TMEM202: variants seen among roughly 807,000 people sequenced by gnomAD.
TMEM202 encodes the protein transmembrane protein 202.
TMEM202 carries 25 observed loss-of-function variants against 26.1 expected under a neutral mutation model. The ratio of observed to expected loss-of-function variants is 0.96; its 90% CI spans 0.70 to 1.34. TMEM202 has a LOEUF of 1.34. Among genes scored for constraint, TMEM202 ranks in the 40% most tolerant of loss-of-function variants. The pLI, the probability that TMEM202 is intolerant of heterozygous loss-of-function variation, is 0.00. For synonymous variants in TMEM202, 122 were observed against 119.0 expected, an observed-to-expected ratio of 1.02 and a Z score of -0.16; for missense variants, 301 against 327.7, an observed-to-expected ratio of 0.92 and a Z score of 0.63.
intron 1 of TMEM202, 87 bp from the exon 2 acceptor site, chr15:72,398,565 TG>T: frequency 6.6e-7 from 1 of 1,522,124 alleles, no homozygotes; most frequent in Non-Finnish European, 8.9e-7. Context: ...CAAACACACA[TG>T]GGAATGCTTG....
intron 2 of TMEM202, among the ~76,000 whole-genome samples, 170 bp from the exon 3 acceptor site, chr15:72,406,432 T>C (rs1179156629): frequency 1.3e-5 from 2 of 152,212 alleles, no homozygotes; most frequent in Non-Finnish European, 2.9e-5. Context: ...TATATTATCT[T>C]TAGTTTAACA....
chr15:72,406,660 C>G lies in TMEM202; in HGVS notation c.396C>G (p.Gly132=), dbSNP rs749778068. The G allele has an allele frequency of 6.2e-7, 1 of 1,613,974 alleles. No individual in the cohort carries two copies. The highest frequency in any genetic ancestry group is 8.5e-7 in the Non-Finnish European group (1 of 1,179,858). Residue 132 remains glycine (G), a synonymous_variant, in exon 3 of 5, where the codon GGC becomes GGG. Coordinates refer to ENST00000341689, the MANE Select transcript of TMEM202 (RefSeq NM_001080462.3). ...FLISVFTILT[G]LGWLFSSWIL... is the part of the protein sequence containing the mutation. Reference sequence around the variant, plus strand: ...TCTCTGTCTTTACCATACTTACTGGCCTTGGCTGGCTCTTCAGCTCTTGGA... The same window carrying G: ...TCTCTGTCTTTACCATACTTACTGGGCTTGGCTGGCTCTTCAGCTCTTGGA...
At chr15:72,399,046 G>A in intron 2 of TMEM202, 138 bp downstream of exon 2, 1 of 996,650 alleles carries the variant, frequency 1.0e-6, no homozygotes, top group Non-Finnish European at 1.5e-6. Flanking sequence ...TCTTTCTTTG[G>A]TATCCTCAGT....
intron 2 of TMEM202, among the ~76,000 whole-genome samples, chr15:72,400,557 A>G (rs1320515446): frequency 6.6e-6 from 1 of 152,242 alleles, no homozygotes; most frequent in Non-Finnish European, 1.5e-5. Flanking sequence ...CTGCAATCAT[A>G]TTTATGTAAC....
chr15:72,401,830 C>G (rs999231416), intron 2 of TMEM202, among the ~76,000 whole-genome samples: 1 of 152,098 alleles, frequency 6.6e-6, no homozygotes, highest in Admixed American at 6.5e-5. Context: ...ATAACTAGCT[C>G]TAATTCAAGA....
chr15:72,406,069 G>A (rs1013777605), intron 2 of TMEM202, among the ~76,000 whole-genome samples: 4 of 151,946 alleles, frequency 2.6e-5, no homozygotes, highest in African/African-American at 9.7e-5. Context: ...ATATTAATAT[G>A]ATAGAATATT....
intron 2 of TMEM202, 37 bp downstream of exon 2, chr15:72,398,945 C>A: frequency 6.3e-7 from 1 of 1,583,798 alleles, no homozygotes; most frequent in Non-Finnish European, 8.6e-7. Flanking sequence ...AGGCCCCACA[C>A]AATTGCAGAG....
At chr15:72,402,953 G>A (rs1190651582) in intron 2 of TMEM202, among the ~76,000 whole-genome samples, 1 of 152,172 alleles carries the variant, frequency 6.6e-6, no homozygotes, top group African/African-American at 2.4e-5. Flanking sequence ...TGGAGAAGTT[G>A]TATGTTGCCT....
In TMEM202 at chr15:72,398,895, A is replaced by G. The variant is rs750119189; in HGVS notation, c.324A>G (p.Thr108=). The change falls in exon 2 of 5, where the codon ACA becomes ACG. Residue 108 remains threonine (T), a synonymous_variant. Coordinates refer to ENST00000341689, the MANE Select transcript of TMEM202 (RefSeq NM_001080462.3). ...LCNHELCWSH[T]PKPPYYLQYS... is the part of the protein sequence containing the mutation. ...ACCATGAGCTGTGCTGGAGCCACACACCCAAGCCACCCTGTGAGTGCCACC... is the reference window on the plus strand; with the variant it reads ...ACCATGAGCTGTGCTGGAGCCACACGCCCAAGCCACCCTGTGAGTGCCACC... 1 of 1,602,206 alleles carries G rather than the reference A, an allele frequency of 6.2e-7. No homozygotes were observed. Among genetic ancestry groups the G allele is most frequent in the Non-Finnish European group, 8.5e-7 (1 of 1,170,770 alleles).
rs899590459 is a variant in TMEM202, at chr15:72,405,977, C to T, written c.338-625C>T. Reference sequence around the variant, plus strand: ...TGTGACTTCATTTTGTAGTCATAGGCTGACAAGGCCTGTACATGCCAGATA... The same window carrying T: ...TGTGACTTCATTTTGTAGTCATAGGTTGACAAGGCCTGTACATGCCAGATA... On this transcript the variant is annotated intron_variant, in intron 2 of 4. Coordinates refer to ENST00000341689, the MANE Select transcript of TMEM202 (RefSeq NM_001080462.3). 2.6e-5 allele frequency among the ~76,000 whole-genome samples: 4 copies of T among 152,220 alleles called. No individual in the cohort carries two copies. The East Asian group carries it at 7.7e-4, about 29-fold the overall frequency.
chr15:72,398,654 C>G lies in TMEM202; in HGVS notation c.83C>G (p.Pro28Arg). The stretch of plus-strand genomic sequence containing the variant: ...GCAATATTTCCCTCATCCTTGTAGC[C>G]TACCGTCCCTGCCAAGAAACATCCA... The part of the protein sequence containing the change: ...KIKGNRKYQR[P>R]TVPAKKHPSA... Residue 28 changes from proline to arginine, a missense_variant and splice_region_variant, in exon 2 of 5, where the codon CCT (proline) becomes CGT (arginine). Transcript: ENST00000341689. The G allele has an allele frequency of 6.2e-7, 1 of 1,613,970 alleles. No individual in the cohort carries two copies. The highest frequency in any genetic ancestry group is 8.5e-7 in the Non-Finnish European group (1 of 1,179,940).
intron 2 of TMEM202, among the ~76,000 whole-genome samples, chr15:72,400,976 G>A (rs970900570): frequency 6.6e-6 from 1 of 152,164 alleles, no homozygotes; most frequent in African/African-American, 2.4e-5. Context: ...ACATTGCCAT[G>A]GCATTTGTTA....
In TMEM202 at chr15:72,407,945, G is replaced by T; in HGVS notation, c.*52G>T. On this transcript the variant is annotated 3_prime_UTR_variant, in exon 5 of 5. Coordinates refer to ENST00000341689, the MANE Select transcript of TMEM202 (RefSeq NM_001080462.3). ...TAAAAGCAGGGGAGAAGCTGAGTTG[G>T]GAATGGTCACATAAATTCTGGGAAA... 1.4e-6 allele frequency: 2 copies of T among 1,470,498 alleles called. No homozygotes were observed. Among genetic ancestry groups the T allele is most frequent in the Admixed American group, 1.7e-5 (1 of 57,152 alleles). 91.1% of individuals were successfully genotyped at this position (1,470,498 alleles called of 1,614,324 possible). A position where few individuals can be genotyped will look rare whatever the true frequency, so the allele number is the denominator to read the frequency against.
At chr15:72,401,707 C>T (rs967677650) in intron 2 of TMEM202, among the ~76,000 whole-genome samples, 1 of 152,122 alleles carries the variant, frequency 6.6e-6, no homozygotes, top group Non-Finnish European at 1.5e-5. Flanking sequence ...TGTCACTCAC[C>T]TTTGTTTATG....
intron 3 of TMEM202, 102 bp from the exon 4 acceptor site, chr15:72,406,984 C>A (rs2063575018): frequency 2.0e-6 from 3 of 1,471,118 alleles, no homozygotes; most frequent in Non-Finnish European, 2.7e-6. Context: ...TCTTTTTGAT[C>A]CTCGCTATAC....
intron 2 of TMEM202, among the ~76,000 whole-genome samples, chr15:72,404,965 G>A (rs2063564422): frequency 1.3e-5 from 2 of 152,190 alleles, no homozygotes; most frequent in Admixed American, 1.3e-4. Flanking sequence ...CAGAAAATGT[G>A]CAGCTTGTGA....
Position 72,407,130 on chromosome 15 carries a change from C to T in TMEM202, c.532C>T (p.His178Tyr). 6.2e-7 allele frequency: 1 copy of T among 1,613,112 alleles called. No homozygotes were observed. Among genetic ancestry groups the T allele is most frequent in the Non-Finnish European group, 8.5e-7 (1 of 1,179,818 alleles). The stretch of plus-strand genomic sequence containing the variant: ...CCTCAACCTGTTTGTGGCACAGGTT[C>T]ACTGGCATACTAGGGATGCCATGGA... ...LCLNLFVAQV[H>Y]WHTRDAMESD... The change falls in exon 4 of 5, where the codon CAC becomes TAC. Residue 178 changes from histidine (H) to tyrosine (Y), a missense_variant. Coordinates refer to ENST00000341689, the MANE Select transcript of TMEM202 (RefSeq NM_001080462.3).
chr15:72,407,125 A>G lies in TMEM202; in HGVS notation c.527A>G (p.Gln176Arg). 1 of 1,613,080 alleles carries G rather than the reference A, an allele frequency of 6.2e-7. No individual in the cohort carries two copies. The highest frequency in any genetic ancestry group is 8.5e-7 in the Non-Finnish European group (1 of 1,179,796). The stretch of plus-strand genomic sequence containing the variant: ...CTCTGCCTCAACCTGTTTGTGGCAC[A>G]GGTTCACTGGCATACTAGGGATGCC... ...LLLCLNLFVA[Q>R]VHWHTRDAME... is the part of the protein sequence containing the mutation. Residue 176 changes from glutamine to arginine, a missense_variant, in exon 4 of 5, where the codon CAG becomes CGG. By Grantham distance (43) the Gln-to-Arg change is conservative (BLOSUM62 1). Coordinates refer to ENST00000341689, the MANE Select transcript of TMEM202 (RefSeq NM_001080462.3).
At position 72,407,118 on chromosome 15, in the gene TMEM202, G is replaced by A; in HGVS notation, c.520G>A (p.Val174Met). ...TCLLLCLNLFVAQVHWHTRDA... is the reference protein window; with the variant it reads ...TCLLLCLNLFMAQVHWHTRDA... ...CTTGCTCCTCTGCCTCAACCTGTTT[G>A]TGGCACAGGTTCACTGGCATACTAG... Residue 174 changes from valine to methionine, a missense_variant, in exon 4 of 5, where the codon GTG (valine) becomes ATG (methionine). Val to Met is a conservative substitution (Grantham distance 21). Coordinates refer to ENST00000341689, the MANE Select transcript of TMEM202 (RefSeq NM_001080462.3). The A allele has an allele frequency of 1.9e-6, 3 of 1,612,894 alleles. No homozygotes were observed. The highest frequency in any genetic ancestry group is 2.5e-6 in the Non-Finnish European group (3 of 1,179,776).
Sources: gnomAD v4.1 joint callset for allele counts (sites outside exome capture counted in the v4.1 genomes callset) on GRCh38, gnomAD v4.1.1 for gene constraint, MANE v1.5 for transcripts, NCBI Gene and HGNC (gene_info 2026-07-23, HGNC 2026-07-21) for gene names.